Variants in TPST1 observed in about 807,000 individuals in gnomAD.
The protein encoded by TPST1 is protein-tyrosine sulfotransferase 1.
Under a neutral mutation model 34.8 loss-of-function variants are expected in TPST1, and 20 were observed. That is an observed-to-expected ratio of 0.57 (90% confidence interval 0.40 to 0.84). The LOEUF is 0.84. Ranked by LOEUF, TPST1 falls within the 40% of genes least tolerant of loss-of-function variation. The probability of loss-of-function intolerance (pLI) is 0.00; values close to 1 mark genes in which losing one functional copy is unlikely to be tolerated. For synonymous variants in TPST1, 152 were observed against 159.4 expected, an observed-to-expected ratio of 0.95 and a Z score of 0.35; for missense variants, 353 against 455.5, an observed-to-expected ratio of 0.78 and a Z score of 2.05.
At chr7:66,329,811 C>T (rs770256154) in intron 3 of TPST1, among the ~76,000 whole-genome samples, 2 of 152,124 alleles carry the variant, frequency 1.3e-5, no homozygotes, top group Non-Finnish European at 2.9e-5. Flanking sequence ...TTGGATGGCG[C>T]TTGAGGCCAT....
At chr7:66,345,338 A>T (rs1482168797) in intron 3 of TPST1, among the ~76,000 whole-genome samples, 1 of 151,604 alleles carries the variant, frequency 6.6e-6, no homozygotes, top group Non-Finnish European at 1.5e-5. Context: ...CTCTACTAAA[A>T]ATAGAAAAAT....
chr7:66,231,729 C>A (rs1266208971), intron 1 of TPST1, among the ~76,000 whole-genome samples: 1 of 152,372 alleles, frequency 6.6e-6, no homozygotes, highest in East Asian at 1.9e-4. Context: ...TCCCTCCACA[C>A]CACCCTGCAA....
intron 2 of TPST1, among the ~76,000 whole-genome samples, chr7:66,277,166 T>A (rs1205637036): frequency 6.6e-6 from 1 of 152,182 alleles, no homozygotes; most frequent in East Asian, 1.9e-4. Context: ...CGATGTCCTG[T>A]CCTGGAAAGG....
At chr7:66,310,807 T>TTATC (rs1791515723) in intron 3 of TPST1, among the ~76,000 whole-genome samples, 1 of 147,062 alleles carries the variant, frequency 6.8e-6, no homozygotes, top group African/African-American at 2.6e-5. Flanking sequence ...TGAAGAGTAT[T>TTATC]TATTTATTTA....
chr7:66,241,514 C>T (rs1484235044), intron 2 of TPST1, among the ~76,000 whole-genome samples: 1 of 151,998 alleles, frequency 6.6e-6, no homozygotes, highest in South Asian at 2.1e-4. Context: ...TATCGTGGCC[C>T]TCTTTATTTG....
At chr7:66,238,408 CTTTT>C (rs370723283) in intron 1 of TPST1, among the ~76,000 whole-genome samples, 2 of 131,922 alleles carry the variant, frequency 1.5e-5, no homozygotes, top group Admixed American at 1.5e-4. Context: ...ACAGCACTGG[CTTTT>C]TTTTTTTTTT....
intron 5 of TPST1, chr7:66,359,251 T>TAAAG (rs1554358949): frequency 7.7e-6 from 1 of 130,192 alleles, no homozygotes; most frequent in Non-Finnish European, 1.6e-5. Flanking sequence ...CCTGGACACT[T>TAAAG]AACCTTAGGA....
chr7:66,271,322 G>T (rs970899286), intron 2 of TPST1, among the ~76,000 whole-genome samples: 2 of 152,130 alleles, frequency 1.3e-5, no homozygotes, highest in Non-Finnish European at 2.9e-5. Context: ...GGGACTACAG[G>T]TGCCCGCCGC....
intron 3 of TPST1, among the ~76,000 whole-genome samples, chr7:66,345,445 C>T (rs1245122092): frequency 7.6e-6 from 1 of 130,852 alleles, no homozygotes; most frequent in Admixed American, 9.1e-5. Flanking sequence ...GTGAGCTGGG[C>T]ACCACTGCAC....
chr7:66,199,801 C>T, the TPST1 span, among the ~76,000 whole-genome samples: 3 of 151,616 alleles, frequency 2.0e-5, no homozygotes, highest in Non-Finnish European at 2.9e-5. Flanking sequence ...GCAGCCTCTG[C>T]CTCCTGGGTT....
intron 2 of TPST1, among the ~76,000 whole-genome samples, chr7:66,254,311 A>G (rs921730190): frequency 6.6e-5 from 10 of 152,216 alleles, no homozygotes; most frequent in Non-Finnish European, 1.5e-4. Context: ...AATGTTCTTC[A>G]TAAAAGTATT....
intron 5 of TPST1, 97 bp from the exon 6 acceptor site, chr7:66,359,798 C>T (rs1366624248): frequency 2.3e-6 from 1 of 437,254 alleles, no homozygotes; most frequent in African/African-American, 2.0e-5. Context: ...AACCGCCTGG[C>T]TTGTCTAGGC....
chr7:66,328,448 G>A lies in TPST1; in HGVS notation c.1045-24057G>A, dbSNP rs148772443. On this transcript the variant is annotated intron_variant, in intron 3 of 5. Transcript: ENST00000304842. The stretch of plus-strand genomic sequence containing the variant: ...CTGAGTAGTTGGAACAGAGACTGTG[G>A]TTCATACAACCTAAAATATTTACCC... Among the ~76,000 whole-genome samples, 536 of 152,280 alleles carry A rather than the reference G, an allele frequency of 3.5e-3. 2 individuals carry two copies. The highest frequency in any genetic ancestry group is 9.9e-3 in the Admixed American group (152 of 15,294).
intron 3 of TPST1, among the ~76,000 whole-genome samples, chr7:66,294,609 A>G (rs977815795): frequency 6.6e-6 from 1 of 151,984 alleles, no homozygotes; most frequent in Admixed American, 6.6e-5. Flanking sequence ...TTATATATAT[A>G]TAAATATTTC....
intron 3 of TPST1, among the ~76,000 whole-genome samples, chr7:66,325,575 T>G (rs1791847910): frequency 6.6e-6 from 1 of 151,062 alleles, no homozygotes; most frequent in Non-Finnish European, 1.5e-5. Context: ...CACCTCACCC[T>G]CCTAAGTAGC....
rs1278042268 is a variant in TPST1, at chr7:66,239,824, G to T, written c.-101-501G>T. 2.0e-5 allele frequency among the ~76,000 whole-genome samples: 3 copies of T among 152,080 alleles called. No homozygotes were observed. In the East Asian group the frequency reaches 5.8e-4, roughly 29 times the overall value. ...CATTGATTTATTTTTACTCAAATTT[G>T]TATATACTGTATATACTGAGTAAAA... On this transcript the variant is annotated intron_variant, in intron 1 of 5. Coordinates refer to ENST00000304842, the MANE Select transcript of TPST1 (RefSeq NM_003596.4).
intron 3 of TPST1, among the ~76,000 whole-genome samples, chr7:66,306,016 C>A (rs756481446): frequency 1.3e-5 from 2 of 152,160 alleles, no homozygotes; most frequent in Non-Finnish European, 2.9e-5. Context: ...ATTCCCTCCA[C>A]CTGAATGTGG....
intron 2 of TPST1, among the ~76,000 whole-genome samples, chr7:66,245,203 G>A (rs1790122294): frequency 6.6e-6 from 1 of 152,170 alleles, no homozygotes. Context: ...TAAGGCATGA[G>A]GCAGTGTTTA....
intron 3 of TPST1, among the ~76,000 whole-genome samples, chr7:66,312,413 A>G (rs190489199): frequency 1.2e-3 from 179 of 152,338 alleles, no homozygotes; most frequent in African/African-American, 3.9e-3. Flanking sequence ...CTTAAAAAAC[A>G]TGGTATTTAT....
Sources: allele counts gnomAD v4.1 joint callset (sites outside exome capture counted in the v4.1 genomes callset), GRCh38; gene constraint gnomAD v4.1.1; transcripts MANE v1.5; gene names NCBI Gene and HGNC (gene_info 2026-07-23, HGNC 2026-07-21).